The following METTL15 variants were observed in gnomAD, a reference collection of about 807,000 sequenced individuals.
The protein encoded by METTL15 is 12S rRNA N(4)-cytidine methyltransferase METTL15.
In METTL15, 34 loss-of-function variants were observed where a neutral mutation model predicts 38.3. The observed-to-expected ratio is 0.89, with a 90% CI of 0.68 to 1.18. METTL15 has a LOEUF of 1.18. Among genes scored for constraint, METTL15 ranks in the 50% most tolerant of loss-of-function variants. The probability of loss-of-function intolerance (pLI) is 0.00; values close to 1 mark genes in which losing one functional copy is unlikely to be tolerated. For synonymous variants in METTL15, 162 were observed against 170.9 expected, an observed-to-expected ratio of 0.95 and a Z score of 0.41; for missense variants, 438 against 498.4, an observed-to-expected ratio of 0.88 and a Z score of 1.15.
At chr11:28,511,184 G>T (rs766782237) in intron 6 of METTL15, among the ~76,000 whole-genome samples, 3 of 152,138 alleles carry the variant, frequency 2.0e-5, no homozygotes, top group Non-Finnish European at 4.4e-5. Flanking sequence ...CACAGTGGGG[G>T]TGCTGACCCC....
intron 3 of METTL15, among the ~76,000 whole-genome samples, chr11:28,183,076 A>G (rs1230771360): frequency 6.6e-6 from 1 of 152,074 alleles, no homozygotes; most frequent in Non-Finnish European, 1.5e-5. Flanking sequence ...ATTGGTGTAT[A>G]GAAGTGCTTG....
chr11:28,423,219 A>C (rs527256841), intron 5 of METTL15, among the ~76,000 whole-genome samples: 147 of 152,132 alleles, frequency 9.7e-4, no homozygotes, highest in Non-Finnish European at 5.9e-4. Flanking sequence ...GGATGTAGAG[A>C]AAAGAGAACC....
At chr11:28,373,553 C>A (rs1381891312) in intron 5 of METTL15, among the ~76,000 whole-genome samples, 1 of 152,032 alleles carries the variant, frequency 6.6e-6, no homozygotes, top group East Asian at 1.9e-4. Context: ...AAAATTTTCT[C>A]CCATTTTGTA....
At chr11:28,208,854 G>A (rs1041984382) in intron 3 of METTL15, among the ~76,000 whole-genome samples, 10 of 151,956 alleles carry the variant, frequency 6.6e-5, no homozygotes, top group Non-Finnish European at 1.3e-4. Flanking sequence ...GGCTCATGAG[G>A]CCTAGATGTC....
intron 3 of METTL15, among the ~76,000 whole-genome samples, chr11:28,350,283 G>C (rs1564903331): frequency 6.6e-6 from 1 of 152,126 alleles, no homozygotes; most frequent in African/African-American, 2.4e-5. Flanking sequence ...CAAATCCATT[G>C]ATTTGCAAGA....
chr11:28,446,173 G>A (rs117504832), intron 6 of METTL15, among the ~76,000 whole-genome samples: 1,622 of 152,264 alleles, frequency 0.011, 18 homozygotes, highest in Middle Eastern at 0.037. Flanking sequence ...GTAGGGTGGG[G>A]TGGAGACCCT....
At chr11:28,173,403 A>G (rs909713457) in intron 3 of METTL15, among the ~76,000 whole-genome samples, 10 of 152,164 alleles carry the variant, frequency 6.6e-5, no homozygotes, top group Admixed American at 1.3e-4. Context: ...CCGGGAAAAA[A>G]TCCTTCACCA....
intron 6 of METTL15, among the ~76,000 whole-genome samples, chr11:28,435,713 G>T (rs1850976624): frequency 6.6e-6 from 1 of 152,138 alleles, no homozygotes; most frequent in Admixed American, 6.5e-5. Flanking sequence ...GAATTCCTAT[G>T]AATATGGTTG....
rs906842414 is a variant in METTL15, at chr11:28,358,287, C to T, written c.*259-3650C>T. 3.9e-5 allele frequency among the ~76,000 whole-genome samples: 6 copies of T among 152,176 alleles called. 1 individual carries two copies. The highest frequency in any genetic ancestry group is 4.1e-4 in the South Asian group (2 of 4,830). On this transcript the variant is annotated intron_variant and NMD_transcript_variant, in intron 4 of 7. Coordinates refer to the METTL15 transcript ENST00000532947. Reference sequence around the variant, plus strand: ...ACCTTGATTTTACCCCTGTGGTACCCTAAGTAGAGAATCCAGCCATGCTAT... The same window carrying T: ...ACCTTGATTTTACCCCTGTGGTACCTTAAGTAGAGAATCCAGCCATGCTAT...
At chr11:28,154,389 G>A (rs759208312) in intron 3 of METTL15, among the ~76,000 whole-genome samples, 1 of 151,964 alleles carries the variant, frequency 6.6e-6, no homozygotes, top group Admixed American at 6.6e-5. Context: ...TGCCATGAAC[G>A]TGTTCTGTAA....
chr11:28,122,792 ATAAT>A (rs1368659458), intron 3 of METTL15, among the ~76,000 whole-genome samples: 1 of 151,926 alleles, frequency 6.6e-6, no homozygotes, highest in Non-Finnish European at 1.5e-5. Context: ...AGGACATCAA[ATAAT>A]TAAGACCAAC....
At chr11:28,437,270 TAATA>T (rs1850991431) in intron 6 of METTL15, among the ~76,000 whole-genome samples, 1 of 152,208 alleles carries the variant, frequency 6.6e-6, no homozygotes, top group African/African-American at 2.4e-5. Flanking sequence ...CGATTCTCCT[TAATA>T]AACTCCCTTT....
chr11:28,328,632 T>G (rs1342003469), intron 6 of METTL15, among the ~76,000 whole-genome samples: 2 of 152,056 alleles, frequency 1.3e-5, no homozygotes, highest in African/African-American at 4.8e-5. Flanking sequence ...AAGGAAAAAA[T>G]TTTGTATAAA....
chr11:28,117,990 G>T lies in METTL15; in HGVS notation c.270+4386G>T, dbSNP rs142995156. Among the ~76,000 whole-genome samples, 14 of 152,108 alleles carry T rather than the reference G, an allele frequency of 9.2e-5. No individual in the cohort carries two copies. The East Asian group carries it at 2.7e-3, about 29-fold the overall frequency. ...CACCTTCAATGATGAATTTACAGAT[G>T]AAACTTTTTTTTGTTTTTTTGTTTT... On this transcript the variant is annotated intron_variant, in intron 3 of 6. Coordinates refer to ENST00000407364, the MANE Select transcript of METTL15 (RefSeq NM_001113528.2).
At chr11:28,453,390 A>G (rs1424590548) in intron 6 of METTL15, among the ~76,000 whole-genome samples, 1 of 152,236 alleles carries the variant, frequency 6.6e-6, no homozygotes, top group Non-Finnish European at 1.5e-5. Context: ...AAATGGAAAC[A>G]ATAGCTGATA....
intron 5 of METTL15, among the ~76,000 whole-genome samples, chr11:28,378,284 A>G (rs1484812300): frequency 6.6e-6 from 1 of 152,054 alleles, no homozygotes; most frequent in Admixed American, 6.5e-5. Flanking sequence ...TTGATCTCAG[A>G]CTGCTGTGCT....
intron 4 of METTL15, among the ~76,000 whole-genome samples, chr11:28,267,115 G>A (rs183940775): frequency 9.4e-5 from 13 of 138,988 alleles, no homozygotes; most frequent in Admixed American, 1.6e-4. Flanking sequence ...AGCCAAGATC[G>A]CATCATTGCA....
At chr11:28,246,871 T>C (rs1030262582) in intron 4 of METTL15, among the ~76,000 whole-genome samples, 1 of 152,184 alleles carries the variant, frequency 6.6e-6, no homozygotes, top group Admixed American at 6.5e-5. Flanking sequence ...GTGGCTCATA[T>C]GACTGAGGAA....
chr11:28,420,830 C>T (rs1850813259), intron 5 of METTL15, among the ~76,000 whole-genome samples: 1 of 151,816 alleles, frequency 6.6e-6, no homozygotes, highest in South Asian at 2.1e-4. Flanking sequence ...AAGAGCAAAC[C>T]AAATCCAAAG....
Sources: gnomAD v4.1 joint callset for allele counts (sites outside exome capture counted in the v4.1 genomes callset) on GRCh38, gnomAD v4.1.1 for gene constraint, MANE v1.5 for transcripts, NCBI Gene and HGNC (gene_info 2026-07-23, HGNC 2026-07-21) for gene names.